The following RNF130 variants were observed in gnomAD, a reference collection of about 807,000 sequenced individuals.
The protein encoded by RNF130 is E3 ubiquitin-protein ligase RNF130.
A neutral mutation model predicts 44.6 loss-of-function variants in RNF130; 21 were observed. The ratio of observed to expected loss-of-function variants is 0.47; its 90% confidence interval spans 0.33 to 0.68. RNF130 has a LOEUF of 0.68. Among genes scored for constraint, RNF130 ranks in the 30% least tolerant of loss-of-function variants. RNF130 has a pLI of 0.02. For synonymous variants in RNF130, 214 were observed against 210.4 expected (o/e 1.02, Z -0.15); for missense variants, 479 against 560.6 (o/e 0.85, Z 1.47).
intron 3 of RNF130, among the ~76,000 whole-genome samples, chr5:180,011,766 T>TAAA (rs79620642): frequency 6.9e-6 from 1 of 145,876 alleles, no homozygotes; most frequent in African/African-American, 2.5e-5. Flanking sequence ...CCCTGTCTCT[T>TAAA]AAAAAAAAAA....
At chr5:180,063,200 G>C (rs894595046) in intron 1 of RNF130, among the ~76,000 whole-genome samples, 1 of 152,174 alleles carries the variant, frequency 6.6e-6, no homozygotes, top group African/African-American at 2.4e-5. Flanking sequence ...TAGAAGAAAA[G>C]ATTGAAAGAA....
intron 7 of RNF130, among the ~76,000 whole-genome samples, chr5:179,966,086 T>C (rs1159402847): frequency 6.6e-6 from 1 of 152,156 alleles, no homozygotes; most frequent in Non-Finnish European, 1.5e-5. Flanking sequence ...AGCTGGCTTG[T>C]TGAGGGCTGA....
intron 2 of RNF130, among the ~76,000 whole-genome samples, chr5:180,018,731 G>T (rs960120931): frequency 4.6e-5 from 7 of 152,218 alleles, no homozygotes; most frequent in Non-Finnish European, 1.0e-4. Flanking sequence ...CCACTGCTCA[G>T]AAAATGCCCA....
intron 2 of RNF130, among the ~76,000 whole-genome samples, chr5:180,027,036 A>C (rs1764007821): frequency 6.6e-6 from 1 of 152,134 alleles, no homozygotes. Flanking sequence ...TCTCCTTTTG[A>C]CTTTTACCAG....
At chr5:179,932,185 T>C (rs1428097625) in intron 7 of RNF130, among the ~76,000 whole-genome samples, 2 of 150,116 alleles carry the variant, frequency 1.3e-5, no homozygotes, top group Non-Finnish European at 3.0e-5. Context: ...AAAATTTTAC[T>C]GTTGTACCAA....
At chr5:179,946,639 C>T (rs188719257) in intron 7 of RNF130, among the ~76,000 whole-genome samples, 1,923 of 151,636 alleles carry the variant, frequency 0.013, 45 homozygotes, top group African/African-American at 0.044. Context: ...CTGCAAGCTC[C>T]GCCTCCCGGG....
intron 1 of RNF130, among the ~76,000 whole-genome samples, chr5:180,055,046 C>T (rs1582224765): frequency 6.6e-6 from 1 of 151,676 alleles, no homozygotes; most frequent in Admixed American, 6.6e-5. Flanking sequence ...TTATTGGTAA[C>T]AAGAAATAAA....
intron 1 of RNF130, among the ~76,000 whole-genome samples, chr5:180,050,418 C>T (rs1484555172): frequency 6.6e-6 from 1 of 152,214 alleles, no homozygotes; most frequent in Non-Finnish European, 1.5e-5. Flanking sequence ...GGATAAGACC[C>T]ACCCACATTA....
At chr5:179,997,173 G>C (rs970679155) in intron 3 of RNF130, among the ~76,000 whole-genome samples, 3 of 152,004 alleles carry the variant, frequency 2.0e-5, no homozygotes, top group African/African-American at 7.2e-5. Context: ...ACAGGGTCTT[G>C]CTCTGTTGCC....
At chr5:180,034,009 T>C (rs1293314909) in intron 2 of RNF130, among the ~76,000 whole-genome samples, 1 of 152,180 alleles carries the variant, frequency 6.6e-6, no homozygotes, top group African/African-American at 2.4e-5. Flanking sequence ...GCAGTTAGTC[T>C]TTCACTATCA....
Position 179,989,794 on chromosome 5 carries a change from GTTTTA to G in RNF130, c.694-9599_694-9595del, listed in dbSNP as rs376266850. On this transcript the variant is annotated intron_variant, in intron 3 of 8. Coordinates refer to ENST00000521389, the MANE Select transcript of RNF130 (RefSeq NM_018434.6). ...TATCTAGCTGTTTTGTAAATTCTTT[GTTTTA>G]TTTTTTCTTCTGTCTTTGTGGTTTC... Among the ~76,000 whole-genome samples the G allele has an allele frequency of 2.9e-3, 438 of 152,086 alleles. 7 individuals are homozygous for G. The highest frequency in any genetic ancestry group is 0.01 in the African/African-American group (421 of 41,482).
intron 1 of RNF130, among the ~76,000 whole-genome samples, chr5:180,063,874 C>G (rs890444220): frequency 2.6e-5 from 4 of 151,880 alleles, no homozygotes; most frequent in African/African-American, 9.7e-5. Flanking sequence ...TTTTGGAAGA[C>G]AGAGGAAAAA....
At chr5:180,006,680 T>G (rs1224585805) in intron 3 of RNF130, among the ~76,000 whole-genome samples, 2 of 152,240 alleles carry the variant, frequency 1.3e-5, no homozygotes, top group Non-Finnish European at 2.9e-5. Flanking sequence ...GAAAATTTCA[T>G]TGTTCTGCTT....
At chr5:180,001,026 A>T (rs1311169514) in intron 3 of RNF130, among the ~76,000 whole-genome samples, 1 of 152,124 alleles carries the variant, frequency 6.6e-6, no homozygotes, top group Non-Finnish European at 1.5e-5. Context: ...GCTCTCCTGG[A>T]CAAAGATTTT....
At chr5:180,043,778 T>C (rs1385484827) in intron 1 of RNF130, among the ~76,000 whole-genome samples, 1 of 151,898 alleles carries the variant, frequency 6.6e-6, no homozygotes, top group East Asian at 1.9e-4. Context: ...CAAAAGAATG[T>C]TCCTGTTTCC....
chr5:180,058,898 A>G (rs1047635372), intron 1 of RNF130, among the ~76,000 whole-genome samples: 2 of 152,170 alleles, frequency 1.3e-5, no homozygotes, highest in African/African-American at 4.8e-5. Context: ...TGCAAGACAA[A>G]GAGTTCTGTA....
chr5:179,954,019 G>A (rs1021337055), downstream of RNF130, among the ~76,000 whole-genome samples: 4 of 152,066 alleles, frequency 2.6e-5, no homozygotes, highest in African/African-American at 9.7e-5. Flanking sequence ...CAGTCACTAG[G>A]GTAATGCATG....
At chr5:180,051,710 T>C (rs1477914825) in intron 1 of RNF130, among the ~76,000 whole-genome samples, 1 of 152,192 alleles carries the variant, frequency 6.6e-6, no homozygotes, top group Non-Finnish European at 1.5e-5. Flanking sequence ...GTATCTCAAA[T>C]GGATTTTGAT....
chr5:180,035,305 C>T (rs1182237123), intron 2 of RNF130, among the ~76,000 whole-genome samples: 1 of 152,168 alleles, frequency 6.6e-6, no homozygotes, highest in East Asian at 1.9e-4. Context: ...TAGATGTGTG[C>T]TGCTTAATTT....
Sources: allele counts gnomAD v4.1 joint callset (sites outside exome capture counted in the v4.1 genomes callset), GRCh38; gene constraint gnomAD v4.1.1; transcripts MANE v1.5; gene names NCBI Gene and HGNC (gene_info 2026-07-23, HGNC 2026-07-21).